The following KIAA1671 variants were observed in gnomAD, a reference collection of about 807,000 sequenced individuals.
KIAA1671 encodes the protein KIAA1671, also known as uncharacterized protein KIAA1671.
Under a neutral mutation model 131.2 loss-of-function variants are expected in KIAA1671, and 52 were observed. The ratio of observed to expected loss-of-function variants is 0.40; its 90% confidence interval spans 0.32 to 0.50. The LOEUF is 0.50. Among genes scored for constraint, KIAA1671 ranks in the 20% least tolerant of loss-of-function variants. The probability of loss-of-function intolerance (pLI) is 0.73; values close to 1 mark genes in which losing one functional copy is unlikely to be tolerated. For synonymous variants in KIAA1671, 1,003 were observed against 961.6 expected, an observed-to-expected ratio of 1.04 and a Z score of -0.80; for missense variants, 2,360 against 2,364.2, an observed-to-expected ratio of 1.00 and a Z score of 0.04.
chr22:25,196,381 C>G lies in KIAA1671; in HGVS notation c.*3980C>G, dbSNP rs1312707773. 1 of 152,140 alleles carries G rather than the reference C, an allele frequency of 6.6e-6. No individual in the cohort carries two copies. The highest frequency in any genetic ancestry group is 1.9e-4 in the East Asian group (1 of 5,192). The allele number at this position is 152,140 out of a possible 1,614,324, so 9.4% of individuals were successfully genotyped here. A position where few individuals can be genotyped will look rare whatever the true frequency, so the allele number is the denominator to read the frequency against. ...TGGACGGGCACTTCCTTGACAATTC[C>G]TATTGGCATCACACGGGCTACAAAT... is the stretch of plus-strand genomic sequence containing the variant. On this transcript the variant is annotated 3_prime_UTR_variant, in exon 13 of 13. Coordinates refer to ENST00000358431, the MANE Select transcript of KIAA1671 (RefSeq NM_001145206.2).
At chr22:25,089,348 C>G (rs1286109224) in intron 6 of KIAA1671, among the ~76,000 whole-genome samples, 1 of 146,006 alleles carries the variant, frequency 6.8e-6, no homozygotes, top group Non-Finnish European at 1.5e-5. Context: ...GATCTCGGCT[C>G]ACTGCAACAT....
In KIAA1671 at chr22:25,181,893, T is replaced by A. The variant is rs553307549; in HGVS notation, c.5199+70T>A. On this transcript the variant is annotated intron_variant, in intron 10 of 12. Coordinates refer to ENST00000358431, the MANE Select transcript of KIAA1671 (RefSeq NM_001145206.2). ...AACCTTAGCAGTGTAAAGAATAGATTCCGGCTGGGTGCAGTGGCTCACGCC... is the reference window on the plus strand; with the variant it reads ...AACCTTAGCAGTGTAAAGAATAGATACCGGCTGGGTGCAGTGGCTCACGCC... 51 of 1,504,692 alleles carry A rather than the reference T, an allele frequency of 3.4e-5. No individual in the cohort carries two copies. In the African/African-American group the frequency reaches 4.4e-4, roughly 13 times the overall value. The allele number at this position is 1,504,692 out of a possible 1,614,324, so 93.2% of individuals were successfully genotyped here.
chr22:25,002,779 C>T (rs1205089103), intron 1 of KIAA1671, among the ~76,000 whole-genome samples: 1 of 150,862 alleles, frequency 6.6e-6, no homozygotes, highest in East Asian at 1.9e-4. Flanking sequence ...GTTTTAACTT[C>T]GTGGCTTTTT....
chr22:25,007,671 A>G (rs1569204606), intron 1 of KIAA1671, among the ~76,000 whole-genome samples: 1 of 152,104 alleles, frequency 6.6e-6, no homozygotes, highest in Non-Finnish European at 1.5e-5. Context: ...ATGGCAACAT[A>G]CAAATGTTAT....
intron 6 of KIAA1671, among the ~76,000 whole-genome samples, chr22:25,092,261 T>C (rs1930060888): frequency 6.6e-6 from 1 of 151,924 alleles, no homozygotes; most frequent in African/African-American, 2.4e-5. Context: ...AAAATTTGGG[T>C]GGAGCCCTGA....
rs200771652 is a variant in KIAA1671, at chr22:25,029,463, C to G, written c.1464C>G (p.Ala488=). The change falls in exon 3 of 13, where the codon GCC becomes GCG. Residue 488 remains alanine (A), a synonymous_variant. Coordinates refer to ENST00000358431, the MANE Select transcript of KIAA1671 (RefSeq NM_001145206.2). ...SVQERIRGWT[A]ESSEAKPEVR... is the part of the protein sequence containing the mutation. ...AGGAACGGATCAGAGGCTGGACTGC[C>G]GAGAGCTCAGAGGCTAAGCCCGAGG... 3 of 1,551,268 alleles carry G rather than the reference C, an allele frequency of 1.9e-6. No individual in the cohort carries two copies. Among genetic ancestry groups the G allele is most frequent in the East Asian group, 4.9e-5 (2 of 40,900 alleles).
At chr22:24,980,065 A>C (rs1923146994) in intron 1 of KIAA1671, among the ~76,000 whole-genome samples, 1 of 151,542 alleles carries the variant, frequency 6.6e-6, no homozygotes, top group Non-Finnish European at 1.5e-5. Context: ...CCCAGGTTCA[A>C]GCAATTCTCC....
intron 1 of KIAA1671, among the ~76,000 whole-genome samples, chr22:24,982,544 T>C (rs1280386337): frequency 6.6e-6 from 1 of 152,180 alleles, no homozygotes; most frequent in Non-Finnish European, 1.5e-5. Flanking sequence ...GCCAGGTGGG[T>C]GCAGGGTTGT....
rs132895 is a variant in KIAA1671 at position 25,163,331 on chromosome 22, ATTTTTTTT to A, written c.4531-7463_4531-7456del. Among the ~76,000 whole-genome samples the A allele has an allele frequency of 2.2e-4, 12 of 55,554 alleles. No homozygotes were observed. The South Asian group carries it at 3.3e-3, about 15-fold the overall frequency. 36.4% of individuals were successfully genotyped at this position (55,554 alleles called of 152,430 possible). ...GTGATAGAGTGAGACATTGCCTCAAATTTTTTTTTTTTTTTTTTTTTTTTTTTTTTTTT... is the reference window on the plus strand; with the variant it reads ...GTGATAGAGTGAGACATTGCCTCAAATTTTTTTTTTTTTTTTTTTTTTTTT... On this transcript the variant is annotated intron_variant, in intron 6 of 12. Transcript: ENST00000358431.
At chr22:25,071,247 G>T (rs1329995458) in intron 6 of KIAA1671, among the ~76,000 whole-genome samples, 1 of 152,172 alleles carries the variant, frequency 6.6e-6, no homozygotes, top group Non-Finnish European at 1.5e-5. Context: ...ACCCAAAAGG[G>T]AAAGTCTTAG....
intron 1 of KIAA1671, among the ~76,000 whole-genome samples, chr22:24,953,276 A>G (rs1052129008): frequency 3.3e-5 from 5 of 151,970 alleles, no homozygotes; most frequent in Non-Finnish European, 7.4e-5. Flanking sequence ...ATCGCTGGAG[A>G]TCTGGGTTAC....
In KIAA1671 at chr22:25,174,335, C is replaced by T. The variant is rs533069831; in HGVS notation, c.4745C>T (p.Thr1582Ile). ...TCTCTGTCCTCCCAAACGGAGCCCA[C>T]CTCGGCAGGGGACCAGTATGACTGC... Reference protein sequence around the residue: ...LSSLSSQTEPTSAGDQYDCSR... With the variant: ...LSSLSSQTEPISAGDQYDCSR... The change falls in exon 8 of 13, where the codon ACC becomes ATC. Residue 1582 changes from threonine (T) to isoleucine (I), a missense_variant. Physicochemically the swap from Thr to Ile is moderately conservative, Grantham distance 89. Transcript: ENST00000358431. 1.3e-6 allele frequency: 2 copies of T among 1,552,068 alleles called. No individual in the cohort carries two copies. Among genetic ancestry groups the T allele is most frequent in the South Asian group, 2.4e-5 (2 of 84,064 alleles).
intron 1 of KIAA1671, among the ~76,000 whole-genome samples, chr22:24,992,627 C>T (rs1923900655): frequency 6.6e-6 from 1 of 151,768 alleles, no homozygotes; most frequent in Non-Finnish European, 1.5e-5. Flanking sequence ...CCAGCTTGGC[C>T]AACATGGTGA....
chr22:24,969,037 C>T (rs529227968), intron 1 of KIAA1671, among the ~76,000 whole-genome samples: 1 of 152,170 alleles, frequency 6.6e-6, no homozygotes, highest in Admixed American at 6.5e-5. Context: ...GTAGCTGGGA[C>T]TACAGGTGTG....
chr22:25,120,448 A>G (rs1321086632), intron 6 of KIAA1671, among the ~76,000 whole-genome samples: 1 of 152,194 alleles, frequency 6.6e-6, no homozygotes, highest in Non-Finnish European at 1.5e-5. Flanking sequence ...AGCCTGGGCC[A>G]AAGTCTGGGT....
At chr22:24,989,685 G>T (rs945624362) in intron 1 of KIAA1671, among the ~76,000 whole-genome samples, 1 of 152,134 alleles carries the variant, frequency 6.6e-6, no homozygotes, top group Non-Finnish European at 1.5e-5. Context: ...GGGTGGGGAA[G>T]AAACTATTTG....
intron 6 of KIAA1671, among the ~76,000 whole-genome samples, chr22:25,095,397 A>G (rs1930345915): frequency 6.6e-6 from 1 of 152,220 alleles, no homozygotes; most frequent in African/African-American, 2.4e-5. Flanking sequence ...CACGCCTGTA[A>G]TCCCAGCACT....
chr22:25,072,298 C>A (rs912181079), intron 6 of KIAA1671, among the ~76,000 whole-genome samples: 6 of 152,152 alleles, frequency 3.9e-5, no homozygotes, highest in African/African-American at 1.2e-4. Context: ...TCTCTAGTGA[C>A]CTTGGGCAAG....
chr22:24,966,217 TG>T (rs1311822024), intron 1 of KIAA1671, among the ~76,000 whole-genome samples: 1 of 152,228 alleles, frequency 6.6e-6, no homozygotes, highest in Admixed American at 6.5e-5. Flanking sequence ...CTTTCCTTTT[TG>T]TTTTGCTTCC....
Sources: gnomAD v4.1 joint callset for allele counts (sites outside exome capture counted in the v4.1 genomes callset) on GRCh38, gnomAD v4.1.1 for gene constraint, MANE v1.5 for transcripts, NCBI Gene and HGNC (gene_info 2026-07-23, HGNC 2026-07-21) for gene names.